The following AK9 variants were observed in gnomAD, a reference collection of about 807,000 sequenced individuals.
The protein encoded by AK9 is adenylate kinase domain containing 1.
A neutral mutation model predicts 239.6 loss-of-function variants in AK9; 191 were observed. The observed-to-expected ratio is 0.80, with a 90% CI of 0.71 to 0.90. AK9 has a LOEUF of 0.90. Among genes scored for constraint, AK9 ranks in the 40% least tolerant of loss-of-function variants. The pLI is 0.00. For synonymous variants in AK9, 689 were observed against 721.0 expected (o/e 0.96, Z 0.71); for missense variants, 1,995 against 2,214.7 (o/e 0.90, Z 1.99).
chr6:109,657,396 G>A (rs1799834310), intron 7 of AK9, among the ~76,000 whole-genome samples: 1 of 151,968 alleles, frequency 6.6e-6, no homozygotes, highest in Non-Finnish European at 1.5e-5. Context: ...GTAAGTACTA[G>A]GAAGAAAAAT....
chr6:109,554,861 G>A (rs1174039661), intron 24 of AK9, among the ~76,000 whole-genome samples: 1 of 152,038 alleles, frequency 6.6e-6, no homozygotes, highest in African/African-American at 2.4e-5. Context: ...GGGGTCAGTG[G>A]TGATATCCCC....
At chr6:109,535,967 G>A (rs1302897519) in intron 27 of AK9, among the ~76,000 whole-genome samples, 6 of 152,068 alleles carry the variant, frequency 3.9e-5, no homozygotes, top group Non-Finnish European at 8.8e-5. Context: ...TGGTCTATAT[G>A]TCTGTTTTGG....
intron 35 of AK9, among the ~76,000 whole-genome samples, chr6:109,500,674 C>A (rs1030295054): frequency 2.6e-5 from 4 of 152,050 alleles, no homozygotes; most frequent in Non-Finnish European, 4.4e-5. Context: ...TATCTAAGAC[C>A]CTTGGGGCCA....
chr6:109,619,230 C>A lies in AK9; in HGVS notation c.1261G>T (p.Asp421Tyr), dbSNP rs762842091. The A allele has an allele frequency of 2.6e-6, 4 of 1,540,116 alleles. No individual in the cohort carries two copies. The highest frequency in any genetic ancestry group is 2.6e-6 in the Non-Finnish European group (3 of 1,143,670). The change falls in exon 13 of 41, where the codon GAC becomes TAC. Residue 421 changes from aspartate (D) to tyrosine (Y), a missense_variant. By Grantham distance (160) the Asp-to-Tyr change is radical (BLOSUM62 -3). This residue lies in a region of AK9 where 1,290 missense variants were observed against 1,392.7 expected (regional missense o/e 0.93). Transcript: ENST00000424296. ...CGTGGCTGAACAAGTTGGGCATAGTCGACTACCTGCAAAGAATATTTGAGA... is the reference window on the plus strand; with the variant it reads ...CGTGGCTGAACAAGTTGGGCATAGTAGACTACCTGCAAAGAATATTTGAGA... ...LAENYKGKVV[D>Y]YAQLVQPRFD...
At chr6:109,619,868 A>G (rs1394612192) in intron 12 of AK9, among the ~76,000 whole-genome samples, 1 of 152,082 alleles carries the variant, frequency 6.6e-6, no homozygotes, top group Non-Finnish European at 1.5e-5. Context: ...TTCTGTAGCT[A>G]TAAATTAGTT....
chr6:109,667,760 G>T (rs1384017734), intron 5 of AK9, among the ~76,000 whole-genome samples: 1 of 152,124 alleles, frequency 6.6e-6, no homozygotes, highest in Non-Finnish European at 1.5e-5. Flanking sequence ...GCATAGTATT[G>T]CATGATGTAT....
chr6:109,496,945 G>A (rs1777097944), intron 38 of AK9, among the ~76,000 whole-genome samples: 2 of 152,030 alleles, frequency 1.3e-5, no homozygotes, highest in African/African-American at 4.8e-5. Context: ...ATGAGTCCAT[G>A]AAACCGCAAA....
Position 109,586,045 on chromosome 6 carries a change from G to A in AK9, c.1870C>T (p.Pro624Ser). 6.4e-7 allele frequency: 1 copy of A among 1,551,064 alleles called. No homozygotes were observed. Among genetic ancestry groups the A allele is most frequent in the Non-Finnish European group, 8.7e-7 (1 of 1,146,812 alleles). ...EVMEENKDRF[P>S]GAPKYGGWIV... ...CAGCCTCCATATTTTGGGGCACCAG[G>A]AAACCTATCCTTGTTTTCTTCCATT... The change falls in exon 18 of 41, where the codon CCT (proline) becomes TCT (serine). Residue 624 changes from proline (P) to serine (S), a missense_variant. Transcript: ENST00000424296.
At chr6:109,556,949 AT>A (rs1315554766) in intron 24 of AK9, among the ~76,000 whole-genome samples, 1 of 151,692 alleles carries the variant, frequency 6.6e-6, no homozygotes, top group Admixed American at 6.6e-5. Context: ...ACTCATCTTA[AT>A]TTTTTATTAC....
chr6:109,499,223 C>A lies in AK9; in HGVS notation c.4867G>T (p.Asp1623Tyr). Residue 1623 changes from aspartate to tyrosine, a missense_variant, in exon 36 of 41, where the codon GAC becomes TAC. Asp to Tyr is a radical substitution (Grantham distance 160). This residue lies in a region of AK9 where 391 missense variants were observed against 456.0 expected (regional missense o/e 0.86). Transcript: ENST00000424296. The part of the protein sequence containing the change: ...RIKAGKAACI[D>Y]KLCITPQELL... ...TCTTGAGGTGTGATACATAACTTGT[C>A]AATGCAGGCAGCTTTTCCTATTATT... 6.6e-7 allele frequency: 1 copy of A among 1,524,302 alleles called. No individual in the cohort carries two copies. Among genetic ancestry groups the A allele is most frequent in the Non-Finnish European group, 8.8e-7 (1 of 1,132,038 alleles). 94.4% of individuals were successfully genotyped at this position (1,524,302 alleles called of 1,614,324 possible).
intron 29 of AK9, among the ~76,000 whole-genome samples, chr6:109,527,006 G>A (rs538111177): frequency 5.3e-5 from 8 of 152,098 alleles, no homozygotes; most frequent in African/African-American, 1.2e-4. Context: ...TCTCCGAGGC[G>A]TAGTCTGACA....
At chr6:109,622,035 T>C (rs1261167430) in intron 12 of AK9, among the ~76,000 whole-genome samples, 3 of 146,962 alleles carry the variant, frequency 2.0e-5, no homozygotes, top group Non-Finnish European at 4.5e-5. Flanking sequence ...CAAAAATGTA[T>C]ATATCAAAAT....
At chr6:109,509,098 G>T in intron 33 of AK9, 81 bp downstream of exon 33, 1 of 1,339,660 alleles carries the variant, frequency 7.5e-7, no homozygotes, top group Non-Finnish European at 1.0e-6. Flanking sequence ...TAAGCCCCAT[G>T]TAAGTGTTTT....
intron 17 of AK9, among the ~76,000 whole-genome samples, chr6:109,593,816 C>G (rs1490321091): frequency 6.6e-6 from 1 of 152,140 alleles, no homozygotes; most frequent in African/African-American, 2.4e-5. Flanking sequence ...ATTCAACACC[C>G]CGTCATGCTA....
chr6:109,587,938 T>A (rs114348138), intron 17 of AK9, among the ~76,000 whole-genome samples: 3,873 of 152,344 alleles, frequency 0.025, 93 homozygotes, highest in East Asian at 0.11. Context: ...TTTCTTTGCA[T>A]CCTTGTCAAC....
At chr6:109,679,889 A>G (rs954459046) in intron 1 of AK9, among the ~76,000 whole-genome samples, 6 of 152,246 alleles carry the variant, frequency 3.9e-5, no homozygotes, top group African/African-American at 1.4e-4. Context: ...GAAAACTAAC[A>G]GAAAAGAATG....
At chr6:109,520,839 C>T (rs1779783562) in intron 29 of AK9, among the ~76,000 whole-genome samples, 2 of 151,880 alleles carry the variant, frequency 1.3e-5, no homozygotes, top group South Asian at 4.1e-4. Flanking sequence ...GTTAGCTGTA[C>T]TCTTAGGTAT....
At chr6:109,538,989 G>C (rs141364097) in intron 27 of AK9, among the ~76,000 whole-genome samples, 486 of 152,268 alleles carry the variant, frequency 3.2e-3, no homozygotes, top group African/African-American at 0.011. Context: ...TAGTCTGGTG[G>C]GCTTCCCTTT....
intron 19 of AK9, 80 bp downstream of exon 19, chr6:109,585,043 C>A (rs2128211554): frequency 2.4e-6 from 2 of 837,240 alleles, no homozygotes; most frequent in East Asian, 2.2e-4. Context: ...TAAATATATT[C>A]TATAAGTATA....
Sources: allele counts gnomAD v4.1 joint callset (sites outside exome capture counted in the v4.1 genomes callset), GRCh38; gene constraint gnomAD v4.1.1; regional missense constraint gnomAD v4.1.1; transcripts MANE v1.5; gene names NCBI Gene and HGNC (gene_info 2026-07-23, HGNC 2026-07-21).